MAST4: variants seen among roughly 807,000 people sequenced by gnomAD.
MAST4 encodes microtubule associated serine/threonine kinase family member 4.
MAST4 carries 89 observed loss-of-function variants against 162.7 expected under a neutral mutation model. That is an observed-to-expected ratio of 0.55 (90% confidence interval 0.46 to 0.65). The LOEUF is 0.65. Ranked by LOEUF, MAST4 falls within the 30% of genes least tolerant of loss-of-function variation. The pLI, the probability that MAST4 is intolerant of heterozygous loss-of-function variation, is 0.00. For synonymous variants in MAST4, 1,479 were observed against 1,361.1 expected (o/e 1.09, Z -1.91); for missense variants, 3,153 against 3,374.0 (o/e 0.93, Z 1.62).
chr5:66,927,405 AG>A (rs1459272844), intron 4 of MAST4, among the ~76,000 whole-genome samples: 3 of 152,214 alleles, frequency 2.0e-5, no homozygotes, highest in Non-Finnish European at 4.4e-5. Flanking sequence ...TCACATGTGC[AG>A]GTTTTGAAAT....
intron 4 of MAST4, among the ~76,000 whole-genome samples, chr5:67,046,535 C>T (rs1376465106): frequency 1.3e-5 from 2 of 152,176 alleles, no homozygotes; most frequent in East Asian, 3.8e-4. Flanking sequence ...ATTTTCTTAT[C>T]TCACACAGTA....
intron 1 of MAST4, among the ~76,000 whole-genome samples, chr5:66,729,021 C>T (rs1580310432): frequency 1.3e-5 from 2 of 152,152 alleles, no homozygotes; most frequent in East Asian, 3.9e-4. Context: ...GTTTTGTAAA[C>T]AAAATACTGT....
At chr5:67,093,527 C>A in intron 6 of MAST4, 2 of 374,600 alleles carry the variant, frequency 5.3e-6, no homozygotes, top group Non-Finnish European at 1.1e-5. Context: ...TAGACACAGA[C>A]AACTTAGGGA....
chr5:66,670,287 G>A (rs781087987), intron 1 of MAST4, among the ~76,000 whole-genome samples: 4 of 151,982 alleles, frequency 2.6e-5, no homozygotes, highest in Non-Finnish European at 5.9e-5. Context: ...TTCTCCGGTG[G>A]TACAAATAAC....
At chr5:67,121,869 A>T (rs946269287) in intron 14 of MAST4, among the ~76,000 whole-genome samples, 2 of 146,538 alleles carry the variant, frequency 1.4e-5, no homozygotes, top group Admixed American at 1.4e-4. Flanking sequence ...TAAAAATTTA[A>T]TTTTTTTTTT....
At chr5:66,791,495 A>T (rs1471806708) in intron 3 of MAST4, among the ~76,000 whole-genome samples, 1 of 152,252 alleles carries the variant, frequency 6.6e-6, no homozygotes, top group African/African-American at 2.4e-5. Flanking sequence ...AATCTATCAG[A>T]TGACATTGTT....
rs371528366 is a variant in MAST4, at chr5:67,165,124, G to T, written c.5945G>T (p.Arg1982Ile). The change falls in exon 29 of 29, where the codon AGA (arginine) becomes ATA (isoleucine). Residue 1982 changes from arginine (R) to isoleucine (I), a missense_variant. By Grantham distance (97) the Arg-to-Ile change is moderately conservative. Transcript: ENST00000403625. ...ESSERGPPTA[R>I]SERSAARADT... ...TCTGAAAGAGGCCCTCCCACAGCCA[G>T]AAGCGAGCGCTCTGCTGCGAGGGCT... The T allele has an allele frequency of 8.6e-5, 136 of 1,589,006 alleles. 2 individuals are homozygous for T. Among genetic ancestry groups the T allele is most frequent in the Admixed American group, 1.8e-4 (10 of 55,594 alleles).
At chr5:66,686,795 G>A (rs1278411319) in intron 1 of MAST4, among the ~76,000 whole-genome samples, 1 of 152,064 alleles carries the variant, frequency 6.6e-6, no homozygotes, top group South Asian at 2.1e-4. Context: ...GAGCTCAGAG[G>A]GTAGGGACTA....
intron 3 of MAST4, among the ~76,000 whole-genome samples, chr5:66,810,073 G>C (rs906528868): frequency 6.6e-6 from 1 of 152,178 alleles, no homozygotes; most frequent in African/African-American, 2.4e-5. Context: ...CCAGTCCCTG[G>C]GGGGTGGACT....
intron 1 of MAST4, among the ~76,000 whole-genome samples, chr5:66,659,235 A>G (rs768142706): frequency 1.2e-4 from 18 of 152,138 alleles, no homozygotes; most frequent in Non-Finnish European, 2.1e-4. Flanking sequence ...GGGGAAGTCC[A>G]CAGCCTGGAG....
chr5:66,817,219 T>C (rs1041620781), intron 3 of MAST4, among the ~76,000 whole-genome samples: 1 of 152,262 alleles, frequency 6.6e-6, no homozygotes, highest in Non-Finnish European at 1.5e-5. Context: ...ATTTAGTGAT[T>C]GGCTTTTGAA....
rs372053941 is a variant in MAST4 at position 67,165,193 on chromosome 5, C to G, written c.6014C>G (p.Thr2005Ser). 8.1e-5 allele frequency: 131 copies of G among 1,608,868 alleles called. 4 individuals carry two copies. The South Asian group carries it at 9.2e-4, about 11-fold the overall frequency. ...EPSMELCFPE[T>S]AKTSDNSKNL... ...TCCATGGAACTGTGCTTTCCAGAAA[C>G]TGCGAAAACCAGTGACAACTCCAAA... The change falls in exon 29 of 29, where the codon ACT becomes AGT. Residue 2005 changes from threonine (T) to serine (S), a missense_variant. Thr to Ser is a moderately conservative substitution (Grantham distance 58, BLOSUM62 1). Transcript: ENST00000403625.
At chr5:66,939,268 A>G (rs984534079) in intron 4 of MAST4, among the ~76,000 whole-genome samples, 1 of 152,192 alleles carries the variant, frequency 6.6e-6, no homozygotes, top group Non-Finnish European at 1.5e-5. Context: ...TTAATTAAAC[A>G]CAGTGGAAGA....
At chr5:66,762,856 C>T (rs1320150438) in intron 2 of MAST4, among the ~76,000 whole-genome samples, 1 of 152,194 alleles carries the variant, frequency 6.6e-6, no homozygotes, top group Non-Finnish European at 1.5e-5. Context: ...GTTTTGCCAA[C>T]CAATTATCCT....
At chr5:66,634,613 C>T (rs1429235226) in intron 1 of MAST4, among the ~76,000 whole-genome samples, 35 of 152,260 alleles carry the variant, frequency 2.3e-4, no homozygotes, top group Non-Finnish European at 5.9e-5. Flanking sequence ...TTGGGGACTG[C>T]TGTAGGTGCT....
At chr5:66,664,785 T>A (rs961384944) in intron 1 of MAST4, among the ~76,000 whole-genome samples, 2 of 151,946 alleles carry the variant, frequency 1.3e-5, no homozygotes, top group African/African-American at 4.8e-5. Context: ...GTATGTTCAA[T>A]GAATTAAAAG....
rs181523386 is a variant in MAST4 at position 66,724,822 on chromosome 5, G to A, written c.364-34887G>A. ...TAATATATAATTATAATATATGTGGGCTGTGGTTGGTTGAAACATTATACA... is the reference window on the plus strand; with the variant it reads ...TAATATATAATTATAATATATGTGGACTGTGGTTGGTTGAAACATTATACA... On this transcript the variant is annotated intron_variant, in intron 1 of 28. Coordinates refer to ENST00000403625, the MANE Select transcript of MAST4 (RefSeq NM_001164664.2). 6.4e-3 allele frequency among the ~76,000 whole-genome samples: 979 copies of A among 151,934 alleles called. 4 individuals are homozygous for A. The highest frequency in any genetic ancestry group is 0.011 in the Non-Finnish European group (775 of 67,916).
chr5:66,750,264 G>A (rs990465173), intron 1 of MAST4, among the ~76,000 whole-genome samples: 2 of 152,204 alleles, frequency 1.3e-5, no homozygotes, highest in South Asian at 4.1e-4. Flanking sequence ...TACTGGATGA[G>A]TCTTTAAAAT....
At chr5:66,873,784 T>G (rs1197865417) in intron 3 of MAST4, among the ~76,000 whole-genome samples, 1 of 152,240 alleles carries the variant, frequency 6.6e-6, no homozygotes, top group Non-Finnish European at 1.5e-5. Context: ...CACCATGTAG[T>G]CTGAGATTTT....
Sources: gnomAD v4.1 joint callset for allele counts (sites outside exome capture counted in the v4.1 genomes callset) on GRCh38, gnomAD v4.1.1 for gene constraint, MANE v1.5 for transcripts, NCBI Gene and HGNC (gene_info 2026-07-23, HGNC 2026-07-21) for gene names.